MAN2A1: variants seen among roughly 807,000 people sequenced by gnomAD.
MAN2A1 encodes alpha-mannosidase 2.
In MAN2A1, 76 loss-of-function variants were observed where a neutral mutation model predicts 142.6. The observed-to-expected ratio is 0.53, with a 90% CI of 0.44 to 0.65. The LOEUF (loss-of-function observed/expected upper bound fraction) is 0.65. Ranked by LOEUF, MAN2A1 falls within the 30% of genes least tolerant of loss-of-function variation. The pLI, the probability that MAN2A1 is intolerant of heterozygous loss-of-function variation, is 0.00. For missense variants in MAN2A1, 1,311 were observed against 1,365.1 expected (o/e 0.96, Z 0.62); for synonymous variants, 559 against 473.2 (o/e 1.18, Z -2.35).
intron 4 of MAN2A1, among the ~76,000 whole-genome samples, chr5:109,733,503 A>T (rs1288629865): frequency 1.3e-5 from 2 of 152,208 alleles, no homozygotes; most frequent in African/African-American, 2.4e-5. Flanking sequence ...TAGGTTTGTC[A>T]TAGAAAGCTC....
intron 16 of MAN2A1, among the ~76,000 whole-genome samples, chr5:109,831,804 C>CAT (rs538357755): frequency 8.1e-5 from 12 of 148,478 alleles, no homozygotes; most frequent in Non-Finnish European, 1.8e-4. Flanking sequence ...AAACAAAAAT[C>CAT]ATGTGTGTGT....
At chr5:109,830,152 T>C (rs1364797908) in intron 16 of MAN2A1, among the ~76,000 whole-genome samples, 1 of 152,238 alleles carries the variant, frequency 6.6e-6, no homozygotes, top group African/African-American at 2.4e-5. Context: ...TATGAGTTTA[T>C]TTTGATGAAA....
At chr5:109,701,987 C>T (rs866992884) in intron 1 of MAN2A1, among the ~76,000 whole-genome samples, 5 of 152,248 alleles carry the variant, frequency 3.3e-5, no homozygotes, top group Middle Eastern at 3.4e-3. Flanking sequence ...AGATGCTGAT[C>T]TGGTAGTCAT....
intron 16 of MAN2A1, among the ~76,000 whole-genome samples, chr5:109,827,661 A>T (rs1406657105): frequency 6.6e-6 from 1 of 152,206 alleles, no homozygotes; most frequent in Non-Finnish European, 1.5e-5. Context: ...CTCTTTCTTA[A>T]CATCTTTTAA....
At chr5:109,740,414 G>T (rs1025730614) in intron 4 of MAN2A1, among the ~76,000 whole-genome samples, 1 of 152,192 alleles carries the variant, frequency 6.6e-6, no homozygotes. Flanking sequence ...TGTGTGGCCT[G>T]TAAGCCAGGT....
chr5:109,727,614 T>A (rs936781266), intron 3 of MAN2A1, among the ~76,000 whole-genome samples: 4 of 152,216 alleles, frequency 2.6e-5, no homozygotes, highest in African/African-American at 9.7e-5. Context: ...GTGTTTTAAT[T>A]GTATACTTTA....
At chr5:109,787,839 T>C (rs908996274) in intron 10 of MAN2A1, among the ~76,000 whole-genome samples, 1 of 151,910 alleles carries the variant, frequency 6.6e-6, no homozygotes, top group African/African-American at 2.4e-5. Context: ...CACTTAATGC[T>C]GTCTAGGAAA....
rs372232390 is a variant in MAN2A1 at position 109,823,742 on chromosome 5, C to T, written c.2471C>T (p.Pro824Leu). Residue 824 changes from proline to leucine, a missense_variant, in exon 16 of 22, where the codon CCG (proline) becomes CTG (leucine). Around this residue, in one of 3 missense-constraint regions of MAN2A1, gnomAD observed 890 missense variants for 920.5 expected, o/e 0.97. Coordinates refer to ENST00000261483, the MANE Select transcript of MAN2A1 (RefSeq NM_002372.4). ...TTTCAGCCTTATGTTTACACAACAC[C>T]GCCCTTTGTCAGAGTGACACATGGA... ...GNAKPYVYTTPPFVRVTHGRI... is the reference protein window; with the variant it reads ...GNAKPYVYTTLPFVRVTHGRI... 1.4e-5 allele frequency: 23 copies of T among 1,601,294 alleles called. No individual in the cohort carries two copies. The African/African-American group carries it at 2.1e-4, about 15-fold the overall frequency.
intron 16 of MAN2A1, among the ~76,000 whole-genome samples, chr5:109,836,312 T>C (rs555949002): frequency 6.6e-6 from 1 of 151,870 alleles, no homozygotes; most frequent in East Asian, 1.9e-4. Flanking sequence ...AGACAGTGTT[T>C]CGCTATGTTG....
At chr5:109,708,065 G>A (rs1222764524) in intron 1 of MAN2A1, among the ~76,000 whole-genome samples, 1 of 152,062 alleles carries the variant, frequency 6.6e-6, no homozygotes, top group Non-Finnish European at 1.5e-5. Context: ...AGAGGTAAGA[G>A]GCTCAAGAAG....
intron 16 of MAN2A1, among the ~76,000 whole-genome samples, chr5:109,831,060 C>G (rs1754893744): frequency 6.6e-6 from 1 of 152,184 alleles, no homozygotes; most frequent in African/African-American, 2.4e-5. Context: ...AGTTGAGACT[C>G]CAGAGCCAGT....
At chr5:109,747,861 GT>G (rs1752447147) in intron 4 of MAN2A1, among the ~76,000 whole-genome samples, 1 of 152,064 alleles carries the variant, frequency 6.6e-6, no homozygotes. Flanking sequence ...CCATACTACT[GT>G]ACCATTTTAC....
intron 5 of MAN2A1, among the ~76,000 whole-genome samples, chr5:109,757,807 C>T (rs1293866926): frequency 6.6e-6 from 1 of 152,050 alleles, no homozygotes; most frequent in East Asian, 1.9e-4. Context: ...AATGTATGGC[C>T]TTTGGTGATT....
At chr5:109,759,429 G>T (rs1752776718) in intron 5 of MAN2A1, among the ~76,000 whole-genome samples, 1 of 152,154 alleles carries the variant, frequency 6.6e-6, no homozygotes, top group African/African-American at 2.4e-5. Context: ...TCACCAGCAT[G>T]AAGTTTTTGG....
At chr5:109,848,628 C>T (rs959913128) in intron 19 of MAN2A1, among the ~76,000 whole-genome samples, 9 of 152,082 alleles carry the variant, frequency 5.9e-5, no homozygotes, top group African/African-American at 2.2e-4. Context: ...TAGGCAGGTC[C>T]CACCACTTGT....
chr5:109,761,975 C>A (rs1028849083), intron 5 of MAN2A1, among the ~76,000 whole-genome samples: 10 of 152,028 alleles, frequency 6.6e-5, no homozygotes, highest in Admixed American at 2.0e-4. Flanking sequence ...TATTAAATAA[C>A]ATGCAGTCAG....
At chr5:109,769,673 T>C (rs1165751133) in intron 6 of MAN2A1, among the ~76,000 whole-genome samples, 1 of 152,196 alleles carries the variant, frequency 6.6e-6, no homozygotes, top group Non-Finnish European at 1.5e-5. Context: ...ATTTTCCATA[T>C]CTTATTCGTT....
chr5:109,775,946 A>G (rs1392136131), intron 8 of MAN2A1, among the ~76,000 whole-genome samples: 1 of 152,114 alleles, frequency 6.6e-6, no homozygotes, highest in African/African-American at 2.4e-5. Context: ...ATATATATTT[A>G]TGGGACACCT....
intron 9 of MAN2A1, among the ~76,000 whole-genome samples, chr5:109,781,935 G>T (rs1021507158): frequency 6.6e-6 from 1 of 152,138 alleles, no homozygotes; most frequent in Non-Finnish European, 1.5e-5. Flanking sequence ...ATGAGTGTCT[G>T]CAGGCTGGTA....
Sources: gnomAD v4.1 joint callset for allele counts (sites outside exome capture counted in the v4.1 genomes callset) on GRCh38, gnomAD v4.1.1 for gene constraint, gnomAD v4.1.1 regional missense constraint, MANE v1.5 for transcripts, NCBI Gene and HGNC (gene_info 2026-07-23, HGNC 2026-07-21) for gene names.